GULP1: variants seen among roughly 807,000 people sequenced by gnomAD.
The protein encoded by GULP1 is GULP PTB domain containing engulfment adaptor 1, also known as PTB domain-containing engulfment adapter protein 1.
A neutral mutation model predicts 40.9 loss-of-function variants in GULP1; 19 were observed. That is an observed-to-expected ratio of 0.46 (90% CI 0.32 to 0.68). The LOEUF is 0.68. GULP1 is among the 30% of genes least tolerant of loss of function. GULP1 has a pLI of 0.03. For missense variants in GULP1, 312 were observed against 362.2 expected (o/e 0.86, Z 1.12); for synonymous variants, 119 against 117.6 (o/e 1.01, Z -0.08).
intron 2 of GULP1, among the ~76,000 whole-genome samples, chr2:188,427,333 G>A (rs955911047): frequency 6.6e-6 from 1 of 152,178 alleles, no homozygotes; most frequent in African/African-American, 2.4e-5. Flanking sequence ...ATTCAAACTG[G>A]CTGCAGAAAT....
rs1405825192 is a variant in GULP1, at chr2:188,343,864, G to C, written c.-171-39899G>C. Among the ~76,000 whole-genome samples the C allele has an allele frequency of 2.0e-5, 3 of 152,040 alleles. 1 individual carries two copies. Among genetic ancestry groups the C allele is most frequent in the Non-Finnish European group, 2.9e-5 (2 of 68,012 alleles). On this transcript the variant is annotated intron_variant, in intron 1 of 11. Coordinates refer to ENST00000409830, the MANE Select transcript of GULP1 (RefSeq NM_016315.4). Reference sequence around the variant, plus strand: ...CCCAGACGGGAGGGAGTGTAGTGGCGTGATCTCGGCTCACTACAACCTTCA... The same window carrying C: ...CCCAGACGGGAGGGAGTGTAGTGGCCTGATCTCGGCTCACTACAACCTTCA...
At chr2:188,340,596 T>G (rs1435554067) in intron 1 of GULP1, among the ~76,000 whole-genome samples, 1 of 152,164 alleles carries the variant, frequency 6.6e-6, no homozygotes, top group Non-Finnish European at 1.5e-5. Flanking sequence ...CGTGGATGAC[T>G]TAAGTGTTAA....
At chr2:188,323,211 A>G (rs535919070) in intron 1 of GULP1, among the ~76,000 whole-genome samples, 1 of 152,094 alleles carries the variant, frequency 6.6e-6, no homozygotes, top group East Asian at 1.9e-4. Context: ...CAGAGTGAAT[A>G]TCTCCTCTTC....
intron 4 of GULP1, among the ~76,000 whole-genome samples, chr2:188,498,854 AAATT>A (rs2063151841): frequency 6.6e-6 from 1 of 151,666 alleles, no homozygotes; most frequent in African/African-American, 2.4e-5. Flanking sequence ...TATTATTTGT[AAATT>A]AAATAATATT....
At chr2:188,474,924 A>G (rs1189332463) in intron 2 of GULP1, among the ~76,000 whole-genome samples, 1 of 152,230 alleles carries the variant, frequency 6.6e-6, no homozygotes, top group Non-Finnish European at 1.5e-5. Flanking sequence ...TACACCATAA[A>G]TTGAGATAAA....
At chr2:188,581,859 T>C (rs1701392302) in intron 9 of GULP1, among the ~76,000 whole-genome samples, 1 of 152,208 alleles carries the variant, frequency 6.6e-6, no homozygotes. Flanking sequence ...CTACTACTGA[T>C]ACTTCAAATA....
At chr2:188,319,553 C>T (rs144794582) in intron 1 of GULP1, among the ~76,000 whole-genome samples, 371 of 152,214 alleles carry the variant, frequency 2.4e-3, no homozygotes, top group African/African-American at 7.9e-3. Flanking sequence ...AACTAGCTAC[C>T]ACTGCTAGCA....
intron 9 of GULP1, among the ~76,000 whole-genome samples, chr2:188,582,091 T>C (rs1354906): frequency 0.66 from 100,748 of 151,898 alleles, 34,449 homozygotes; most frequent in East Asian, 0.91. Flanking sequence ...ATGAATGCAA[T>C]ATTCTATTTA....
chr2:188,565,649 C>T (rs1306998134), intron 7 of GULP1, among the ~76,000 whole-genome samples: 1 of 151,870 alleles, frequency 6.6e-6, no homozygotes, highest in East Asian at 1.9e-4. Flanking sequence ...AATGTTAAAC[C>T]TCCCATGATT....
chr2:188,336,540 A>T (rs552103564), intron 1 of GULP1, among the ~76,000 whole-genome samples: 1 of 152,238 alleles, frequency 6.6e-6, no homozygotes. Flanking sequence ...AAATAAAATC[A>T]TGTAGTGATT....
intron 1 of GULP1, among the ~76,000 whole-genome samples, chr2:188,341,618 A>T (rs368272225): frequency 4.5e-4 from 68 of 152,164 alleles, no homozygotes; most frequent in African/African-American, 1.6e-3. Flanking sequence ...TCTGCTATAA[A>T]GGATCGATTT....
intron 2 of GULP1, among the ~76,000 whole-genome samples, chr2:188,386,742 G>A (rs2049813937): frequency 1.3e-5 from 2 of 152,014 alleles, no homozygotes; most frequent in Non-Finnish European, 2.9e-5. Context: ...ACAAGTTAAA[G>A]TTTTCATTAG....
chr2:188,400,914 G>A (rs533956376), intron 2 of GULP1, among the ~76,000 whole-genome samples: 91 of 141,504 alleles, frequency 6.4e-4, no homozygotes, highest in Non-Finnish European at 1.2e-3. Flanking sequence ...TTGGAAGAGA[G>A]TGGTGTGTTT....
intron 1 of GULP1, among the ~76,000 whole-genome samples, chr2:188,312,653 T>A (rs1436167541): frequency 1.3e-5 from 2 of 152,176 alleles, no homozygotes; most frequent in Non-Finnish European, 2.9e-5. Flanking sequence ...ATCCTTTGAG[T>A]AAATACCCGG....
intron 2 of GULP1, among the ~76,000 whole-genome samples, chr2:188,431,689 C>A (rs1260128450): frequency 6.6e-6 from 1 of 151,948 alleles, no homozygotes; most frequent in African/African-American, 2.4e-5. Flanking sequence ...TGAATCTTAT[C>A]ACGACTTACA....
At chr2:188,523,028 A>G (rs1440332674) in intron 5 of GULP1, 2 of 452,868 alleles carry the variant, frequency 4.4e-6, no homozygotes, top group Non-Finnish European at 8.2e-6. Context: ...AAAATATGGC[A>G]TACTGTTCAC....
chr2:188,556,434 T>C (rs535501522), intron 7 of GULP1, among the ~76,000 whole-genome samples: 4 of 152,312 alleles, frequency 2.6e-5, no homozygotes, highest in East Asian at 3.9e-4. Flanking sequence ...CTCATTCATA[T>C]ACTGATTTGT....
At chr2:188,546,875 T>C (rs1692101678) in intron 7 of GULP1, among the ~76,000 whole-genome samples, 1 of 151,994 alleles carries the variant, frequency 6.6e-6, no homozygotes, top group African/African-American at 2.4e-5. Flanking sequence ...CAGATTTCAC[T>C]ACAGACTCTC....
At chr2:188,396,628 C>T (rs922822839) in intron 2 of GULP1, among the ~76,000 whole-genome samples, 1 of 152,224 alleles carries the variant, frequency 6.6e-6, no homozygotes, top group African/African-American at 2.4e-5. Context: ...AGGCCACAGC[C>T]GTCCCAGTCT....
Sources: allele counts gnomAD v4.1 joint callset (sites outside exome capture counted in the v4.1 genomes callset), GRCh38; gene constraint gnomAD v4.1.1; transcripts MANE v1.5; gene names NCBI Gene and HGNC (gene_info 2026-07-23, HGNC 2026-07-21).